Variants in CTNNA2 observed in about 807,000 individuals in gnomAD.
The protein encoded by CTNNA2 is catenin alpha 2.
Under a neutral mutation model 101.0 loss-of-function variants are expected in CTNNA2, and 42 were observed. The observed-to-expected ratio is 0.42, with a 90% confidence interval of 0.32 to 0.54. The LOEUF is 0.54. CTNNA2 is among the 20% of genes least tolerant of loss of function. The probability of loss-of-function intolerance (pLI) is 0.14; values close to 1 mark genes in which losing one functional copy is unlikely to be tolerated. For missense variants in CTNNA2, 871 were observed against 1,223.1 expected, an observed-to-expected ratio of 0.71 and a Z score of 4.29; for synonymous variants, 450 against 456.4, an observed-to-expected ratio of 0.99 and a Z score of 0.18.
At chr2:79,344,703 G>A (rs928884834) in intron 3 of CTNNA2, among the ~76,000 whole-genome samples, 4 of 150,982 alleles carry the variant, frequency 2.6e-5, no homozygotes, top group African/African-American at 9.7e-5. Flanking sequence ...AACCAATTTT[G>A]TATCTGCTAG....
At chr2:80,034,933 G>C (rs1178430916) in intron 7 of CTNNA2, among the ~76,000 whole-genome samples, 1 of 152,120 alleles carries the variant, frequency 6.6e-6, no homozygotes, top group Admixed American at 6.5e-5. Context: ...GAGAAATGCT[G>C]TCCTTGGAAC....
At chr2:79,978,506 A>G (rs1691028010) in intron 7 of CTNNA2, among the ~76,000 whole-genome samples, 1 of 152,146 alleles carries the variant, frequency 6.6e-6, no homozygotes, top group Admixed American at 6.5e-5. Flanking sequence ...CCCCACCAAT[A>G]GTTCTGAAGA....
At position 79,982,233 on chromosome 2, in the gene CTNNA2, T is replaced by TGTACACACACACATAAC. The variant is rs1220101973; in HGVS notation, c.1056+72436_1056+72437insGTACACACACACATAAC. ...ATATATATATATATATATATATATA[T>TGTACACACACACATAAC]ATATATATGTATGTATATGTACACA... On this transcript the variant is annotated intron_variant, in intron 7 of 18. Coordinates refer to ENST00000402739, the MANE Select transcript of CTNNA2 (RefSeq NM_001282597.3). Among the ~76,000 whole-genome samples, 598 of 66,816 alleles carry TGTACACACACACATAAC rather than the reference T, an allele frequency of 8.9e-3. 38 individuals are homozygous for TGTACACACACACATAAC. Among genetic ancestry groups the TGTACACACACACATAAC allele is most frequent in the African/African-American group, 0.03 (516 of 17,394 alleles). 43.8% of individuals were successfully genotyped at this position (66,816 alleles called of 152,430 possible). A position where few individuals can be genotyped will look rare whatever the true frequency, so the allele number is the denominator to read the frequency against.
intron 9 of CTNNA2, among the ~76,000 whole-genome samples, chr2:80,490,984 A>G (rs151198709): frequency 1.5e-3 from 221 of 152,310 alleles, no homozygotes; most frequent in African/African-American, 5.0e-3. Flanking sequence ...TAATTTGATA[A>G]ATTGTTTCTG....
Position 80,363,149 on chromosome 2 carries a change from T to C in CTNNA2, c.1057-30062T>C, listed in dbSNP as rs546016294. 1.2e-4 allele frequency among the ~76,000 whole-genome samples: 18 copies of C among 152,210 alleles called. 1 individual carries two copies. In the East Asian group the frequency reaches 3.3e-3, roughly 28 times the overall value. ...GGTTTAAAAAATCCTGCAAGATACA[T>C]TTTAATACAAAAATAAATATAAGTA... is the stretch of plus-strand genomic sequence containing the variant. On this transcript the variant is annotated intron_variant, in intron 7 of 18. Coordinates refer to ENST00000402739, the MANE Select transcript of CTNNA2 (RefSeq NM_001282597.3).
At chr2:79,509,307 A>C (rs754454719), upstream of CTNNA2, among the ~76,000 whole-genome samples, 2 of 152,088 alleles carry the variant, frequency 1.3e-5, no homozygotes, top group Non-Finnish European at 2.9e-5. Context: ...GGTCCTTAAA[A>C]GATGAAATTG....
intron 4 of CTNNA2, among the ~76,000 whole-genome samples, chr2:79,399,729 C>T (rs1678269987): frequency 6.6e-6 from 1 of 151,664 alleles, no homozygotes; most frequent in Admixed American, 6.6e-5. Context: ...AGAAAATAGG[C>T]CTATACATAT....
intron 7 of CTNNA2, among the ~76,000 whole-genome samples, chr2:80,296,470 CCATATGTTCTTTGAGAAG>C (rs1349484980): frequency 6.6e-6 from 1 of 152,054 alleles, no homozygotes; most frequent in African/African-American, 2.4e-5. Context: ...TTAAGTTTTG[CCATATGTTCTTTGAGAAG>C]CATGTGTTAA....
At chr2:80,386,702 CA>C (rs1677039539) in intron 7 of CTNNA2, among the ~76,000 whole-genome samples, 1 of 152,138 alleles carries the variant, frequency 6.6e-6, no homozygotes, top group Non-Finnish European at 1.5e-5. Context: ...CAAATGACAA[CA>C]ATTTGAAAAC....
At chr2:79,566,442 A>T (rs1332483200) in intron 1 of CTNNA2, among the ~76,000 whole-genome samples, 5 of 152,198 alleles carry the variant, frequency 3.3e-5, no homozygotes, top group Non-Finnish European at 7.3e-5. Flanking sequence ...AGAAAAATGG[A>T]AATTTTTTTA....
At chr2:80,406,096 G>C (rs1374609536) in intron 8 of CTNNA2, among the ~76,000 whole-genome samples, 2 of 152,186 alleles carry the variant, frequency 1.3e-5, no homozygotes, top group Admixed American at 6.5e-5. Context: ...GGTGGCTCAC[G>C]CCTGTAATGC....
intron 2 of CTNNA2, among the ~76,000 whole-genome samples, chr2:79,226,350 G>A (rs914366389): frequency 1.3e-5 from 2 of 152,070 alleles, no homozygotes; most frequent in African/African-American, 4.8e-5. Context: ...TAGCAATAGA[G>A]CCCACCCCAT....
At chr2:80,253,666 C>G (rs938511119) in intron 7 of CTNNA2, among the ~76,000 whole-genome samples, 5 of 152,162 alleles carry the variant, frequency 3.3e-5, no homozygotes, top group Non-Finnish European at 7.4e-5. Flanking sequence ...AAAATCTCTT[C>G]TTTCAAGATT....
chr2:79,426,797 C>T (rs1678596544), intron 4 of CTNNA2, among the ~76,000 whole-genome samples: 1 of 152,056 alleles, frequency 6.6e-6, no homozygotes, highest in Non-Finnish European at 1.5e-5. Flanking sequence ...TCATTCAGGT[C>T]AATAAAATTT....
At chr2:79,424,924 G>A (rs761695814) in intron 4 of CTNNA2, among the ~76,000 whole-genome samples, 3 of 152,112 alleles carry the variant, frequency 2.0e-5, no homozygotes, top group Non-Finnish European at 4.4e-5. Flanking sequence ...GTCAGCTTTA[G>A]TGAAATGTGA....
chr2:80,091,334 G>A (rs1699777145), intron 7 of CTNNA2, among the ~76,000 whole-genome samples: 1 of 152,056 alleles, frequency 6.6e-6, no homozygotes, highest in Non-Finnish European at 1.5e-5. Flanking sequence ...TCACACATCA[G>A]GTTTAGTCAC....
intron 9 of CTNNA2, among the ~76,000 whole-genome samples, chr2:80,427,002 A>G (rs891827320): frequency 1.3e-5 from 2 of 152,096 alleles, no homozygotes; most frequent in African/African-American, 4.8e-5. Context: ...CTACAACTGT[A>G]TGCTAGTTCT....
intron 7 of CTNNA2, among the ~76,000 whole-genome samples, chr2:80,215,442 T>A (rs1573415162): frequency 6.6e-6 from 1 of 152,290 alleles, no homozygotes; most frequent in Admixed American, 6.5e-5. Context: ...GGGGTTTTGG[T>A]GTGGATGTCC....
chr2:80,139,770 A>G (rs1158747718), intron 7 of CTNNA2, among the ~76,000 whole-genome samples: 3 of 152,144 alleles, frequency 2.0e-5, no homozygotes, highest in South Asian at 2.1e-4. Flanking sequence ...TTTACATCCA[A>G]TTTCTCTGGT....
Sources: gnomAD v4.1 joint callset for allele counts (sites outside exome capture counted in the v4.1 genomes callset) on GRCh38, gnomAD v4.1.1 for gene constraint, MANE v1.5 for transcripts, NCBI Gene and HGNC (gene_info 2026-07-23, HGNC 2026-07-21) for gene names.